Variants in DENND4A observed in about 807,000 individuals in gnomAD.
DENND4A encodes C-myc promoter-binding protein.
DENND4A carries 70 observed loss-of-function variants against 199.3 expected under a neutral mutation model. The ratio of observed to expected loss-of-function variants is 0.35; its 90% CI spans 0.29 to 0.43. The LOEUF (loss-of-function observed/expected upper bound fraction) is 0.43, where lower values mean the gene tolerates loss of function less well. Among genes scored for constraint, DENND4A ranks in the 20% least tolerant of loss-of-function variants. The probability of loss-of-function intolerance (pLI) is 1.00; values close to 1 mark genes in which losing one functional copy is unlikely to be tolerated. For synonymous variants in DENND4A, 686 were observed against 766.9 expected, an observed-to-expected ratio of 0.89 and a Z score of 1.74; for missense variants, 1,723 against 2,255.8, an observed-to-expected ratio of 0.76 and a Z score of 4.78.
intron 25 of DENND4A, among the ~76,000 whole-genome samples, chr15:65,670,769 T>C (rs944474915): frequency 6.6e-6 from 1 of 152,222 alleles, no homozygotes; most frequent in African/African-American, 2.4e-5. Context: ...TATAGATAAC[T>C]ATAAATGCTA....
At chr15:65,755,862 A>G (rs2076688059) in intron 3 of DENND4A, among the ~76,000 whole-genome samples, 1 of 152,236 alleles carries the variant, frequency 6.6e-6, no homozygotes, top group Admixed American at 6.5e-5. Flanking sequence ...CAATCAGGAT[A>G]ACACTTTAAT....
At chr15:65,755,680 T>C (rs12913171) in intron 3 of DENND4A, among the ~76,000 whole-genome samples, 30,248 of 151,916 alleles carry the variant, frequency 0.2, 4,041 homozygotes, top group East Asian at 0.73. Context: ...GCAGGAGGAT[T>C]ACTTGAGGCC....
rs998911353 is a variant in DENND4A, at chr15:65,700,688, A to G, written c.2702-13T>C. ...TCACTGCCATCTGCTTAAGAACACA[A>G]TTTGACAGCATTTTACTACTCGAAG... On this transcript the variant is annotated splice_polypyrimidine_tract_variant and intron_variant, in intron 19 of 32. Transcript: ENST00000443035. The G allele has an allele frequency of 2.6e-6, 4 of 1,518,674 alleles. No individual in the cohort carries two copies. The highest frequency in any genetic ancestry group is 1.4e-5 in the African/African-American group (1 of 71,006). 94.1% of individuals were successfully genotyped at this position (1,518,674 alleles called of 1,614,324 possible).
At chr15:65,743,029 T>A (rs946376085) in intron 4 of DENND4A, among the ~76,000 whole-genome samples, 41 of 152,320 alleles carry the variant, frequency 2.7e-4, no homozygotes, top group African/African-American at 7.7e-4. Flanking sequence ...ATAATAAGTT[T>A]TTATTATTAC....
chr15:65,756,456 A>G lies in DENND4A; in HGVS notation c.-6T>C. On this transcript the variant is annotated 5_prime_UTR_variant, in exon 3 of 33. An upstream start codon of the reference 5' UTR is lost. Coordinates refer to ENST00000443035, the MANE Select transcript of DENND4A (RefSeq NM_001320835.1). ...GGCCCCTTGTCTTCAATCATCTTCC[A>G]TTACAGAAGGTTACATCTAAAAGGA... is the stretch of plus-strand genomic sequence containing the variant. The G allele has an allele frequency of 3.8e-6, 6 of 1,594,544 alleles. No homozygotes were observed. The highest frequency in any genetic ancestry group is 2.2e-5 in the East Asian group (1 of 44,762).
chr15:65,778,373 C>T (rs1421345096), intron 1 of DENND4A, among the ~76,000 whole-genome samples: 1 of 141,656 alleles, frequency 7.1e-6, no homozygotes, highest in East Asian at 2.1e-4. Context: ...TTTCCCCCAC[C>T]CATCTACACC....
chr15:65,705,318 T>C (rs2075012128), intron 15 of DENND4A, among the ~76,000 whole-genome samples: 1 of 152,202 alleles, frequency 6.6e-6, no homozygotes, highest in South Asian at 2.1e-4. Flanking sequence ...AGATGTGAAA[T>C]GGTTTTTAGA....
intron 25 of DENND4A, among the ~76,000 whole-genome samples, chr15:65,670,557 A>T (rs1461843928): frequency 1.3e-5 from 2 of 152,226 alleles, no homozygotes; most frequent in Non-Finnish European, 2.9e-5. Context: ...CTGGTCTACA[A>T]ACACTTACTG....
intron 2 of DENND4A, among the ~76,000 whole-genome samples, chr15:65,760,424 G>A (rs2076824354): frequency 6.6e-6 from 1 of 152,186 alleles, no homozygotes; most frequent in Non-Finnish European, 1.5e-5. Context: ...CTTGAACCTG[G>A]GAGGCGGAGG....
chr15:65,713,486 T>C (rs2075304955), intron 14 of DENND4A, among the ~76,000 whole-genome samples: 1 of 152,244 alleles, frequency 6.6e-6, no homozygotes, highest in African/African-American at 2.4e-5. Flanking sequence ...GCTTTTCCAC[T>C]ATAAAGTTAC....
At chr15:65,733,626 T>C (rs546195372) in intron 7 of DENND4A, among the ~76,000 whole-genome samples, 2 of 152,132 alleles carry the variant, frequency 1.3e-5, no homozygotes, top group Admixed American at 6.6e-5. Flanking sequence ...AAAAAAGTCA[T>C]AAAAAGCCAC....
Position 65,702,321 on chromosome 15 carries a change from A to G in DENND4A, c.2414T>C (p.Met805Thr). The stretch of plus-strand genomic sequence containing the variant: ...AATTGTTACCTCATCAGGTGGATCC[A>G]TCTTCTTTGACTGCATTTTTTTAAG... ...DVLKKMQSKK[M>T]DPPDEVCYRI... Residue 805 changes from methionine to threonine, a missense_variant, in exon 17 of 33, where the codon ATG (methionine) becomes ACG (threonine). Met to Thr is a moderately conservative substitution (Grantham distance 81). Around this residue, in one of 6 missense-constraint regions of DENND4A, gnomAD observed 725 missense variants for 952.9 expected, o/e 0.76. Coordinates refer to ENST00000443035, the MANE Select transcript of DENND4A (RefSeq NM_001320835.1). The G allele has an allele frequency of 6.4e-7, 1 of 1,551,952 alleles. No homozygotes were observed. Among genetic ancestry groups the G allele is most frequent in the South Asian group, 1.2e-5 (1 of 84,062 alleles).
At chr15:65,712,651 G>T (rs531529259) in intron 14 of DENND4A, among the ~76,000 whole-genome samples, 1 of 151,676 alleles carries the variant, frequency 6.6e-6, no homozygotes, top group African/African-American at 2.4e-5. Flanking sequence ...AATCAGTAAG[G>T]CCAATTTTAT....
At chr15:65,725,432 T>C (rs916648074) in intron 11 of DENND4A, among the ~76,000 whole-genome samples, 2 of 152,076 alleles carry the variant, frequency 1.3e-5, no homozygotes, top group African/African-American at 2.4e-5. Context: ...ATCCCAGCAC[T>C]TTGGGAGGCC....
Position 65,671,846 on chromosome 15 carries a change from C to A in DENND4A, c.4410G>T (p.Val1470=). The part of the protein sequence containing the change: ...SKFALPGKSE[V]TSSFNASNTN... The stretch of plus-strand genomic sequence containing the variant: ...TATTACTCGCGTTGAAGGAAGATGT[C>A]ACTTCTGATTTCCCAGGTAAGGCAA... Residue 1470 remains valine (V), a synonymous_variant, in exon 25 of 33, where the codon GTG becomes GTT. Coordinates refer to ENST00000443035, the MANE Select transcript of DENND4A (RefSeq NM_001320835.1). 1 of 1,613,144 alleles carries A rather than the reference C, an allele frequency of 6.2e-7. No homozygotes were observed. The highest frequency in any genetic ancestry group is 8.5e-7 in the Non-Finnish European group (1 of 1,179,136).
intron 4 of DENND4A, among the ~76,000 whole-genome samples, chr15:65,745,795 G>A (rs1323180237): frequency 6.6e-6 from 1 of 152,072 alleles, no homozygotes; most frequent in Non-Finnish European, 1.5e-5. Context: ...TAGAAATGCA[G>A]TATAAGTTAC....
intron 1 of DENND4A, among the ~76,000 whole-genome samples, chr15:65,762,848 G>A (rs904144649): frequency 2.6e-5 from 4 of 152,094 alleles, no homozygotes; most frequent in African/African-American, 9.7e-5. Context: ...ATCGGGTGGA[G>A]GTTGGGGGTA....
chr15:65,674,406 ATGT>A (rs1810230497), intron 24 of DENND4A, among the ~76,000 whole-genome samples: 1 of 152,190 alleles, frequency 6.6e-6, no homozygotes, highest in African/African-American at 2.4e-5. Context: ...GATGCTATGA[ATGT>A]TGTTTCTTGA....
At chr15:65,697,110 TGA>T (rs1567016922) in intron 21 of DENND4A, among the ~76,000 whole-genome samples, 155 bp downstream of exon 21, 1 of 152,182 alleles carries the variant, frequency 6.6e-6, no homozygotes, top group Non-Finnish European at 1.5e-5. Flanking sequence ...AGCATTTGTA[TGA>T]GAGTATGTGG....
Sources: allele counts gnomAD v4.1 joint callset (sites outside exome capture counted in the v4.1 genomes callset), GRCh38; gene constraint gnomAD v4.1.1; regional missense constraint gnomAD v4.1.1; transcripts MANE v1.5; gene names NCBI Gene and HGNC (gene_info 2026-07-23, HGNC 2026-07-21).